HSD17B12: variants seen among roughly 807,000 people sequenced by gnomAD.
HSD17B12 encodes hydroxysteroid 17-beta dehydrogenase 12, also known as very-long-chain 3-oxoacyl-CoA reductase.
HSD17B12 carries 32 observed loss-of-function variants against 39.3 expected under a neutral mutation model. That is an observed-to-expected ratio of 0.81 (90% CI 0.61 to 1.09). The LOEUF is 1.09. Among genes scored for constraint, HSD17B12 ranks in the 50% least tolerant of loss-of-function variants. HSD17B12 has a pLI of 0.00. For missense variants in HSD17B12, 342 were observed against 382.9 expected, an observed-to-expected ratio of 0.89 and a Z score of 0.89; for synonymous variants, 150 against 146.7, an observed-to-expected ratio of 1.02 and a Z score of -0.16.
chr11:43,744,643 G>A (rs541058228), intron 1 of HSD17B12, among the ~76,000 whole-genome samples: 3 of 152,298 alleles, frequency 2.0e-5, no homozygotes, highest in Non-Finnish European at 4.4e-5. Context: ...TGGGATCCTA[G>A]ATCAGAAAAA....
chr11:43,826,275 G>C (rs989583621), intron 6 of HSD17B12, among the ~76,000 whole-genome samples: 3 of 151,872 alleles, frequency 2.0e-5, no homozygotes, highest in African/African-American at 7.3e-5. Flanking sequence ...AGTAGAGACG[G>C]AGTTTCACCG....
intron 1 of HSD17B12, among the ~76,000 whole-genome samples, chr11:43,687,262 G>C (rs1949809939): frequency 6.6e-6 from 1 of 152,176 alleles, no homozygotes; most frequent in South Asian, 2.1e-4. Flanking sequence ...GGGAGGCAGG[G>C]TGAGCAAAGC....
At chr11:43,637,381 C>T in the HSD17B12 span, among the ~76,000 whole-genome samples, 5 of 152,098 alleles carry the variant, frequency 3.3e-5, 1 homozygote, top group African/African-American at 1.2e-4. Context: ...CCACCATGCC[C>T]AGCTAATTTT....
At chr11:43,691,225 G>C (rs1161311365) in intron 1 of HSD17B12, among the ~76,000 whole-genome samples, 2 of 152,198 alleles carry the variant, frequency 1.3e-5, no homozygotes, top group African/African-American at 4.8e-5. Context: ...TGTAATGCAT[G>C]TCAAGACACT....
At chr11:43,839,292 G>A (rs1457742048) in intron 8 of HSD17B12, among the ~76,000 whole-genome samples, 1 of 152,044 alleles carries the variant, frequency 6.6e-6, no homozygotes, top group Admixed American at 6.6e-5. Context: ...CTGTATCTGG[G>A]AACATACTGT....
the HSD17B12 span, among the ~76,000 whole-genome samples, chr11:43,653,857 A>G: frequency 8.5e-5 from 13 of 152,322 alleles, no homozygotes; most frequent in African/African-American, 3.1e-4. Flanking sequence ...GCCGCAATAA[A>G]CATACATGTG....
At chr11:43,577,478 T>C in the HSD17B12 span, among the ~76,000 whole-genome samples, 1 of 152,156 alleles carries the variant, frequency 6.6e-6, no homozygotes, top group Non-Finnish European at 1.5e-5. Flanking sequence ...GGCCAGGCAC[T>C]ATCCGGGTCT....
chr11:43,792,675 A>G (rs2135033808), intron 3 of HSD17B12, among the ~76,000 whole-genome samples: 1 of 144,922 alleles, frequency 6.9e-6, no homozygotes, highest in East Asian at 2.0e-4. Context: ...TTGTCTCTCA[A>G]TGTAACCTTT....
At chr11:43,830,345 CCT>C (rs1434100833) in intron 6 of HSD17B12, 1 of 152,006 alleles carries the variant, frequency 6.6e-6, no homozygotes, top group Non-Finnish European at 1.5e-5. Context: ...AAAAATAGCC[CCT>C]CTCATTATAT....
the HSD17B12 span, among the ~76,000 whole-genome samples, chr11:43,583,561 T>C: frequency 6.6e-6 from 1 of 152,016 alleles, no homozygotes; most frequent in Non-Finnish European, 1.5e-5. Flanking sequence ...ATAGGTGGCT[T>C]TTTGTGGCTT....
intron 1 of HSD17B12, among the ~76,000 whole-genome samples, chr11:43,721,295 G>C (rs1201016272): frequency 2.0e-5 from 3 of 152,072 alleles, no homozygotes; most frequent in African/African-American, 7.2e-5. Context: ...AGTGGCCTTA[G>C]TGTGAGAAGG....
At chr11:43,592,029 T>G in the HSD17B12 span, among the ~76,000 whole-genome samples, 1 of 152,086 alleles carries the variant, frequency 6.6e-6, no homozygotes, top group Non-Finnish European at 1.5e-5. Context: ...AGTTTTCAGT[T>G]AAAATATTTT....
intron 4 of HSD17B12, among the ~76,000 whole-genome samples, chr11:43,801,989 T>A (rs867379512): frequency 1.0e-4 from 15 of 148,482 alleles, no homozygotes; most frequent in Non-Finnish European, 1.8e-4. Flanking sequence ...TTTTTTTTTT[T>A]AATTTTTATT....
chr11:43,633,025 G>A, the HSD17B12 span, among the ~76,000 whole-genome samples: 51 of 152,116 alleles, frequency 3.4e-4, no homozygotes, highest in African/African-American at 1.2e-3. Flanking sequence ...AAATTTAAGG[G>A]ATACAAGTGC....
At chr11:43,623,240 G>C in the HSD17B12 span, among the ~76,000 whole-genome samples, 13 of 152,234 alleles carry the variant, frequency 8.5e-5, no homozygotes, top group Admixed American at 6.5e-4. Flanking sequence ...AGGATTCCAT[G>C]AAAGTCTTCC....
At chr11:43,743,407 G>A (rs1178452472) in intron 1 of HSD17B12, among the ~76,000 whole-genome samples, 1 of 152,152 alleles carries the variant, frequency 6.6e-6, no homozygotes, top group East Asian at 1.9e-4. Flanking sequence ...GACTTCCAGA[G>A]CAGACACCTG....
intron 3 of HSD17B12, among the ~76,000 whole-genome samples, chr11:43,760,175 G>A (rs970994591): frequency 2.0e-5 from 3 of 152,010 alleles, no homozygotes; most frequent in African/African-American, 7.3e-5. Context: ...TGGGATTACA[G>A]GCCTGAGTCA....
At chr11:43,562,664 C>G in the HSD17B12 span, among the ~76,000 whole-genome samples, 1 of 152,180 alleles carries the variant, frequency 6.6e-6, no homozygotes, top group Non-Finnish European at 1.5e-5. Flanking sequence ...TATGCTTTTT[C>G]TTGCTTGGGT....
chr11:43,668,065 G>A, the HSD17B12 span, among the ~76,000 whole-genome samples: 5 of 152,120 alleles, frequency 3.3e-5, no homozygotes, highest in South Asian at 4.2e-4. Flanking sequence ...ACTTCCTTAC[G>A]GAACACACAC....
Sources: allele counts gnomAD v4.1 joint callset (sites outside exome capture counted in the v4.1 genomes callset), GRCh38; gene constraint gnomAD v4.1.1; transcripts MANE v1.5; gene names NCBI Gene and HGNC (gene_info 2026-07-23, HGNC 2026-07-21).